ABLIM3: variants seen among roughly 807,000 people sequenced by gnomAD.
ABLIM3 encodes actin-binding LIM protein 3.
In ABLIM3, 61 loss-of-function variants were observed where a neutral mutation model predicts 109.5. The ratio of observed to expected loss-of-function variants is 0.56; its 90% CI spans 0.45 to 0.69. The LOEUF (loss-of-function observed/expected upper bound fraction) is 0.69. Ranked by LOEUF, ABLIM3 falls within the 30% of genes least tolerant of loss-of-function variation. The pLI, the probability that ABLIM3 is intolerant of heterozygous loss-of-function variation, is 0.00. For synonymous variants in ABLIM3, 300 were observed against 324.8 expected (o/e 0.92, Z 0.82); for missense variants, 796 against 889.5 (o/e 0.89, Z 1.34).
intron 6 of ABLIM3, among the ~76,000 whole-genome samples, chr5:149,208,902 A>T (rs1158134606): frequency 6.6e-6 from 1 of 152,222 alleles, no homozygotes; most frequent in Non-Finnish European, 1.5e-5. Flanking sequence ...TGAGAGTTCC[A>T]TGGAAGGTGG....
chr5:149,223,651 C>T (rs1477705677), intron 8 of ABLIM3, among the ~76,000 whole-genome samples: 1 of 152,176 alleles, frequency 6.6e-6, no homozygotes, highest in African/African-American at 2.4e-5. Flanking sequence ...TGTCTCCATG[C>T]AGTAGGACAG....
intron 10 of ABLIM3, among the ~76,000 whole-genome samples, chr5:149,234,682 T>G (rs1444238506): frequency 5.9e-5 from 9 of 152,212 alleles, no homozygotes. Context: ...CATGGAAGAT[T>G]CCTTTCTAAA....
At chr5:149,147,441 G>C (rs951252914) in intron 2 of ABLIM3, among the ~76,000 whole-genome samples, 2 of 151,974 alleles carry the variant, frequency 1.3e-5, no homozygotes, top group Non-Finnish European at 2.9e-5. Context: ...TAACTTCTTG[G>C]TGTTCTGCTG....
chr5:149,228,719 C>T, intron 8 of ABLIM3, among the ~76,000 whole-genome samples: 1 of 152,128 alleles, frequency 6.6e-6, no homozygotes, highest in East Asian at 1.9e-4. Context: ...AGATATACTA[C>T]CAACTCCTAA....
intron 2 of ABLIM3, 78 bp from the exon 3 acceptor site, chr5:149,183,374 C>A (rs1175920085): frequency 3.5e-6 from 5 of 1,425,782 alleles, no homozygotes; most frequent in Non-Finnish European, 4.6e-6. Flanking sequence ...CTTCCAGCTA[C>A]AATTATGATA....
intron 23 of ABLIM3, 44 bp from the exon 24 acceptor site, chr5:149,258,247 C>G (rs1754620163): frequency 1.3e-6 from 2 of 1,577,970 alleles, no homozygotes; most frequent in Admixed American, 1.7e-5. Flanking sequence ...TCATGCTGCT[C>G]TCTTTCTCTG....
rs1754733505 is a variant in ABLIM3, at chr5:149,259,570, T to G, written c.*1166T>G. The G allele has an allele frequency of 6.5e-7, 1 of 1,536,056 alleles. No homozygotes were observed. The highest frequency in any genetic ancestry group is 1.4e-5 in the African/African-American group (1 of 73,048). ...GGGAAACTTTTGGAAGAGTGGCTGC[T>G]TATGAGATTCCAAAATGAAGTGTTG... is the stretch of plus-strand genomic sequence containing the variant. On this transcript the variant is annotated 3_prime_UTR_variant, in exon 24 of 24. Coordinates refer to ENST00000309868, the MANE Select transcript of ABLIM3 (RefSeq NM_014945.5).
chr5:149,258,750 C>G lies in ABLIM3; in HGVS notation c.*346C>G. ...CTCTCTTCTCTCTGCTTCGTGGCCC[C>G]TTTCTTAAATTTCTAGGGCTGATGC... On this transcript the variant is annotated 3_prime_UTR_variant, in exon 24 of 24. Coordinates refer to ENST00000309868, the MANE Select transcript of ABLIM3 (RefSeq NM_014945.5). 2.0e-6 allele frequency: 2 copies of G among 1,004,898 alleles called. No individual in the cohort carries two copies. The highest frequency in any genetic ancestry group is 2.4e-6 in the Non-Finnish European group (2 of 843,236). The allele number at this position is 1,004,898 out of a possible 1,614,324, so 62.2% of individuals were successfully genotyped here. A position where few individuals can be genotyped will look rare whatever the true frequency, so the allele number is the denominator to read the frequency against.
chr5:149,206,490 A>G (rs959708186), intron 5 of ABLIM3, among the ~76,000 whole-genome samples: 4 of 152,224 alleles, frequency 2.6e-5, no homozygotes, highest in African/African-American at 9.6e-5. Context: ...TAACCACAAA[A>G]TATAAACACA....
At chr5:149,221,080 C>G (rs1458953329) in intron 8 of ABLIM3, 1 of 152,172 alleles carries the variant, frequency 6.6e-6, no homozygotes, top group Non-Finnish European at 1.5e-5. Context: ...AGGGAAGGTG[C>G]CCCTAAAAAG....
intron 8 of ABLIM3, chr5:149,218,208 G>A (rs1760289581): frequency 6.6e-6 from 1 of 152,332 alleles, no homozygotes; most frequent in South Asian, 2.1e-4. Context: ...AAGCTGGGAA[G>A]TCCATGACCA....
At chr5:149,235,663 C>T (rs1762274849) in intron 10 of ABLIM3, among the ~76,000 whole-genome samples, 1 of 152,222 alleles carries the variant, frequency 6.6e-6, no homozygotes, top group South Asian at 2.1e-4. Flanking sequence ...CAAGATCTAA[C>T]AGCCAGGACA....
Position 149,193,827 on chromosome 5 carries a change from C to G in ABLIM3, c.152-4392C>G, listed in dbSNP as rs554238641. ...ATATGGAAACTTGCTTTTTGCAGAT[C>G]AGTGGGGAAAGATTAGACTGCTTAA... On this transcript the variant is annotated intron_variant, in intron 3 of 23. Coordinates refer to ENST00000309868, the MANE Select transcript of ABLIM3 (RefSeq NM_014945.5). 1.4e-4 allele frequency among the ~76,000 whole-genome samples: 22 copies of G among 152,244 alleles called. No individual in the cohort carries two copies. In the East Asian group the frequency reaches 3.9e-3, roughly 27 times the overall value.
intron 3 of ABLIM3, among the ~76,000 whole-genome samples, chr5:149,197,813 G>A (rs765560414): frequency 3.3e-5 from 5 of 152,320 alleles, no homozygotes; most frequent in South Asian, 2.1e-4. Context: ...TCATGTATTG[G>A]GAGGATTGTA....
At chr5:149,186,014 T>C (rs1365794864) in intron 3 of ABLIM3, among the ~76,000 whole-genome samples, 1 of 152,220 alleles carries the variant, frequency 6.6e-6, no homozygotes, top group Non-Finnish European at 1.5e-5. Flanking sequence ...GAGACCTATG[T>C]ATAAAGCTGT....
At chr5:149,225,302 A>C (rs1220838673) in intron 8 of ABLIM3, among the ~76,000 whole-genome samples, 1 of 152,190 alleles carries the variant, frequency 6.6e-6, no homozygotes, top group Non-Finnish European at 1.5e-5. Flanking sequence ...GCCATTAAGC[A>C]GTCATTTCCC....
chr5:149,243,068 G>T (rs942045956), intron 15 of ABLIM3, among the ~76,000 whole-genome samples: 5 of 152,210 alleles, frequency 3.3e-5, no homozygotes, highest in African/African-American at 1.2e-4. Context: ...AGATGTAGAT[G>T]AGTAAGGTTG....
intron 2 of ABLIM3, among the ~76,000 whole-genome samples, chr5:149,163,495 A>C (rs1754561993): frequency 6.6e-6 from 1 of 152,176 alleles, no homozygotes. Flanking sequence ...CTAGAAGTCC[A>C]AGATCAAGGT....
chr5:149,252,929 G>A (rs1754075621), intron 23 of ABLIM3, 92 bp downstream of exon 23: 2 of 981,482 alleles, frequency 2.0e-6, no homozygotes, highest in South Asian at 1.3e-5. Context: ...TGGGTGGAAT[G>A]AGTGGCTTTA....
Sources: gnomAD v4.1 joint callset for allele counts (sites outside exome capture counted in the v4.1 genomes callset) on GRCh38, gnomAD v4.1.1 for gene constraint, MANE v1.5 for transcripts, NCBI Gene and HGNC (gene_info 2026-07-23, HGNC 2026-07-21) for gene names.